Variants in NBAS observed in about 807,000 individuals in gnomAD.
NBAS encodes NAG/BC035112 fusion.
Under a neutral mutation model 302.5 loss-of-function variants are expected in NBAS, and 219 were observed. The observed-to-expected ratio is 0.72, with a 90% CI of 0.65 to 0.81. The LOEUF is 0.81. Among genes scored for constraint, NBAS ranks in the 30% least tolerant of loss-of-function variants. The pLI is 0.00. For missense variants in NBAS, 2,932 were observed against 2,841.6 expected, an observed-to-expected ratio of 1.03 and a Z score of -0.72; for synonymous variants, 1,118 against 1,021.6, an observed-to-expected ratio of 1.09 and a Z score of -1.80.
chr2:15,419,683 G>T (rs1677116546), intron 23 of NBAS, among the ~76,000 whole-genome samples: 1 of 152,048 alleles, frequency 6.6e-6, no homozygotes, highest in Admixed American at 6.5e-5. Context: ...AACAAAATCT[G>T]TGCCAAAGTA....
rs1479239439 is a variant in NBAS at position 15,424,350 on chromosome 2, T to G, written c.2542A>C (p.Thr848Pro). Residue 848 changes from threonine to proline, a missense_variant, in exon 23 of 52, where the codon ACC becomes CCC. By Grantham distance (38) the Thr-to-Pro change is conservative (BLOSUM62 -1). Coordinates refer to ENST00000281513, the MANE Select transcript of NBAS (RefSeq NM_015909.4). The stretch of plus-strand genomic sequence containing the variant: ...TAATGCTCTATTTCCTCTGCTCTGG[T>G]CTGATACCAGTCCATAACCTTCTCC... ...TVEKVMDWYQ[T>P]RAEEIEHYAR... The G allele has an allele frequency of 6.2e-7, 1 of 1,614,010 alleles. No homozygotes were observed. The highest frequency in any genetic ancestry group is 2.2e-5 in the East Asian group (1 of 44,896).
At chr2:15,390,953 G>A (rs11695932) in intron 28 of NBAS, among the ~76,000 whole-genome samples, 94,959 of 151,626 alleles carry the variant, frequency 0.63, 30,479 homozygotes, top group Middle Eastern at 0.69. Flanking sequence ...TCTCTACTAA[G>A]AATACAAAAA....
At chr2:15,020,887 T>A in the NBAS span, among the ~76,000 whole-genome samples, 3 of 152,066 alleles carry the variant, frequency 2.0e-5, no homozygotes, top group Non-Finnish European at 4.4e-5. Flanking sequence ...TTCAGCAGAT[T>A]AAAATTAACC....
intron 21 of NBAS, among the ~76,000 whole-genome samples, chr2:15,452,792 A>G (rs530148581): frequency 6.6e-6 from 1 of 152,296 alleles, no homozygotes; most frequent in East Asian, 1.9e-4. Context: ...TCCTTTCCAG[A>G]TTCGGTTTCA....
chr2:14,831,247 C>G, the NBAS span, among the ~76,000 whole-genome samples: 1 of 152,032 alleles, frequency 6.6e-6, no homozygotes, highest in Non-Finnish European at 1.5e-5. Context: ...TCAGAACTCT[C>G]ATCTTATTTG....
At chr2:15,475,204 G>C (rs747856980) in intron 14 of NBAS, among the ~76,000 whole-genome samples, 27 of 152,102 alleles carry the variant, frequency 1.8e-4, no homozygotes, top group South Asian at 4.1e-4. Context: ...TGAAGTGAAA[G>C]CTATTAAAGG....
chr2:15,304,487 G>T (rs1670943175), intron 40 of NBAS, among the ~76,000 whole-genome samples: 1 of 152,218 alleles, frequency 6.6e-6, no homozygotes, highest in Admixed American at 6.5e-5. Context: ...AAATGTGAAA[G>T]CAACTTTGGA....
chr2:15,487,013 T>C (rs1194857763), intron 12 of NBAS, among the ~76,000 whole-genome samples: 2 of 152,160 alleles, frequency 1.3e-5, no homozygotes, highest in Non-Finnish European at 2.9e-5. Flanking sequence ...TATAACGTAC[T>C]AGGATACACA....
At chr2:14,814,413 C>A in the NBAS span, among the ~76,000 whole-genome samples, 1 of 152,202 alleles carries the variant, frequency 6.6e-6, no homozygotes, top group Non-Finnish European at 1.5e-5. Flanking sequence ...GCCTTGGGAG[C>A]CCACCCTTTG....
chr2:14,803,374 C>T, the NBAS span, among the ~76,000 whole-genome samples: 2 of 152,172 alleles, frequency 1.3e-5, no homozygotes, highest in Admixed American at 6.5e-5. Flanking sequence ...CTGGGGCTCT[C>T]TCTCTTTGTG....
the NBAS span, among the ~76,000 whole-genome samples, chr2:15,044,262 G>A: frequency 6.6e-5 from 10 of 152,166 alleles, no homozygotes; most frequent in African/African-American, 2.4e-4. Flanking sequence ...TGATTTGCAG[G>A]TAAGTAGCAG....
At chr2:15,232,872 T>C (rs1277762951) in intron 46 of NBAS, among the ~76,000 whole-genome samples, 1 of 152,072 alleles carries the variant, frequency 6.6e-6, no homozygotes, top group African/African-American at 2.4e-5. Flanking sequence ...TTTTTTTTTT[T>C]TAAAAGCACT....
rs759808885 is a variant in NBAS at position 15,383,241 on chromosome 2, A to G, written c.3334T>C (p.Cys1112Arg). ...MLTMQQNVYT[C>R]LDSDACYEIF... ...TCATAGCAGGCATCAGAATCTAGAC[A>G]TGTGTATACATTCTGCTGCATAGTT... The change falls in exon 29 of 52, where the codon TGT becomes CGT. Residue 1112 changes from cysteine to arginine, a missense_variant. By Grantham distance (180) the Cys-to-Arg change is radical. Transcript: ENST00000281513. 8 of 1,614,052 alleles carry G rather than the reference A, an allele frequency of 5.0e-6. No homozygotes were observed. In the South Asian group the frequency reaches 8.8e-5, roughly 18 times the overall value.
chr2:15,503,887 T>C (rs1180986424), intron 11 of NBAS, among the ~76,000 whole-genome samples: 1 of 152,230 alleles, frequency 6.6e-6, no homozygotes, highest in South Asian at 2.1e-4. Context: ...CCTTGAGCTA[T>C]ATTCCCAGAT....
the NBAS span, among the ~76,000 whole-genome samples, chr2:14,797,705 G>T: frequency 2.0e-5 from 3 of 152,102 alleles, no homozygotes; most frequent in South Asian, 6.2e-4. Context: ...TGAGCGTGAA[G>T]CTATAGTGGT....
chr2:15,253,140 G>C (rs767358441), intron 44 of NBAS, among the ~76,000 whole-genome samples: 1 of 152,078 alleles, frequency 6.6e-6, no homozygotes, highest in African/African-American at 2.4e-5. Flanking sequence ...GTTTTACTGT[G>C]CTCCAAAAAA....
chr2:15,308,465 C>T lies in NBAS; in HGVS notation c.4660-112G>A, dbSNP rs141936312. On this transcript the variant is annotated intron_variant, in intron 39 of 51. Transcript: ENST00000281513. ...GATTTTTTGTACAAAGTTCCCATTA[C>T]ATCAACTCAAGCTCAAGATCAACTT... 116 of 1,339,548 alleles carry T rather than the reference C, an allele frequency of 8.7e-5. No individual in the cohort carries two copies. The African/African-American group carries it at 1.4e-3, about 17-fold the overall frequency. The allele number at this position is 1,339,548 out of a possible 1,614,324, so 83.0% of individuals were successfully genotyped here. A position where few individuals can be genotyped will look rare whatever the true frequency, so the allele number is the denominator to read the frequency against.
At chr2:15,346,933 T>C (rs533270301) in intron 35 of NBAS, among the ~76,000 whole-genome samples, 2 of 152,174 alleles carry the variant, frequency 1.3e-5, no homozygotes, top group Non-Finnish European at 2.9e-5. Context: ...TTCTCACTCA[T>C]AAGTGAGAGA....
chr2:15,169,390 G>A (rs956197379), intron 51 of NBAS, among the ~76,000 whole-genome samples: 2 of 152,218 alleles, frequency 1.3e-5, no homozygotes, highest in Non-Finnish European at 2.9e-5. Flanking sequence ...CTGCCTGTGA[G>A]TTCTGAATGC....
Sources: gnomAD v4.1 joint callset for allele counts (sites outside exome capture counted in the v4.1 genomes callset) on GRCh38, gnomAD v4.1.1 for gene constraint, MANE v1.5 for transcripts, NCBI Gene and HGNC (gene_info 2026-07-23, HGNC 2026-07-21) for gene names.